Variants in TOP6BL observed in about 807,000 individuals in gnomAD.
The protein encoded by TOP6BL is TOP6B like initiator of meiotic double strand breaks, also known as type 2 DNA topoisomerase 6 subunit B-like.
the TOP6BL span, among the ~76,000 whole-genome samples, chr11:66,752,731 G>T: frequency 6.6e-6 from 1 of 152,094 alleles, no homozygotes; most frequent in Admixed American, 6.6e-5. Context: ...GCGATTACAA[G>T]CATGAGCCAC....
At chr11:66,781,641 A>G in the TOP6BL span, among the ~76,000 whole-genome samples, 3 of 152,050 alleles carry the variant, frequency 2.0e-5, no homozygotes, top group Non-Finnish European at 4.4e-5. Context: ...GGCTCAAGTG[A>G]TCCTCCCACC....
chr11:66,839,206 A>G, the TOP6BL span: 1 of 456,256 alleles, frequency 2.2e-6, no homozygotes, highest in African/African-American at 2.0e-5. Flanking sequence ...CAGAGATGCC[A>G]GGTACTATTC....
the TOP6BL span, chr11:66,813,951 T>C: frequency 6.2e-7 from 1 of 1,613,786 alleles, no homozygotes; most frequent in Non-Finnish European, 8.5e-7. Flanking sequence ...ATACCTCTTC[T>C]TTAGTTGACT....
the TOP6BL span, chr11:66,838,315 G>A: frequency 6.5e-7 from 1 of 1,527,050 alleles, no homozygotes; most frequent in Non-Finnish European, 9.1e-7. Context: ...TGTTTCACTA[G>A]GGCTCGTTCA....
the TOP6BL span, among the ~76,000 whole-genome samples, chr11:66,837,281 C>T: frequency 6.6e-6 from 1 of 151,782 alleles, no homozygotes; most frequent in Non-Finnish European, 1.5e-5. Flanking sequence ...CGCCTGCCAC[C>T]ACGCCTGGCT....
chr11:66,799,425 G>A, the TOP6BL span, among the ~76,000 whole-genome samples: 2 of 151,448 alleles, frequency 1.3e-5, no homozygotes, highest in Non-Finnish European at 1.5e-5. Context: ...GGCTGAGCAC[G>A]GTGGCTCATG....
the TOP6BL span, among the ~76,000 whole-genome samples, chr11:66,824,432 A>ATTG: frequency 1.4e-5 from 2 of 143,426 alleles, no homozygotes; most frequent in Non-Finnish European, 3.1e-5. Flanking sequence ...TATTATTATT[A>ATTG]TTATTATTAT....
chr11:66,829,273 C>T, the TOP6BL span, among the ~76,000 whole-genome samples: 1 of 150,826 alleles, frequency 6.6e-6, no homozygotes, highest in South Asian at 2.1e-4. Context: ...GTTGTCCCAG[C>T]TACTGGGGAG....
the TOP6BL span, among the ~76,000 whole-genome samples, chr11:66,750,656 A>G: frequency 6.6e-6 from 1 of 151,852 alleles, no homozygotes; most frequent in Non-Finnish European, 1.5e-5. Flanking sequence ...TTAATTGATT[A>G]TTTAATATTT....
chr11:66,749,063 TG>T, the TOP6BL span, among the ~76,000 whole-genome samples: 7 of 151,212 alleles, frequency 4.6e-5, no homozygotes, highest in Admixed American at 4.0e-4. Flanking sequence ...TGTGTGTGTG[TG>T]GTGTGTGTGT....
the TOP6BL span, among the ~76,000 whole-genome samples, chr11:66,840,383 C>A: frequency 6.6e-6 from 1 of 152,156 alleles, no homozygotes; most frequent in Non-Finnish European, 1.5e-5. Flanking sequence ...AGTGTGGGGA[C>A]CCATTTCCTC....
At chr11:66,832,726 G>T in the TOP6BL span, among the ~76,000 whole-genome samples, 1 of 152,232 alleles carries the variant, frequency 6.6e-6, no homozygotes, top group Non-Finnish European at 1.5e-5. Context: ...TTGGAAAGCC[G>T]CTGTCCACGC....
At chr11:66,812,503 G>A in the TOP6BL span, among the ~76,000 whole-genome samples, 1 of 152,044 alleles carries the variant, frequency 6.6e-6, no homozygotes, top group East Asian at 1.9e-4. Flanking sequence ...AAATCCCCTT[G>A]CCCTAAACAG....
At chr11:66,762,249 A>G in the TOP6BL span, 2 of 549,476 alleles carry the variant, frequency 3.6e-6, no homozygotes, top group Non-Finnish European at 6.6e-6. Flanking sequence ...CGGCCGCAGA[A>G]CACGCGCGCA....
chr11:66,843,204 A>G, the TOP6BL span: 1 of 1,610,884 alleles, frequency 6.2e-7, no homozygotes, highest in Non-Finnish European at 8.5e-7. Context: ...CCAACCTGTC[A>G]GAGTGGCTGA....
the TOP6BL span, among the ~76,000 whole-genome samples, chr11:66,749,334 C>T: frequency 3.9e-3 from 595 of 152,218 alleles, 1 homozygote; most frequent in Non-Finnish European, 6.7e-3. Context: ...AAATGCTTGG[C>T]TACGTGTCTA....
At chr11:66,747,082 A>G in the TOP6BL span, among the ~76,000 whole-genome samples, 1 of 151,912 alleles carries the variant, frequency 6.6e-6, no homozygotes, top group Non-Finnish European at 1.5e-5. Context: ...GGCTACAGGC[A>G]CACACCACCA....
the TOP6BL span, among the ~76,000 whole-genome samples, chr11:66,829,810 G>A: frequency 1.3e-5 from 2 of 152,008 alleles, no homozygotes; most frequent in African/African-American, 4.8e-5. Flanking sequence ...AACTGCATGA[G>A]CCCAGGAGGC....
chr11:66,745,412 C>G, the TOP6BL span, among the ~76,000 whole-genome samples: 1 of 151,968 alleles, frequency 6.6e-6, no homozygotes, highest in Admixed American at 6.6e-5. Flanking sequence ...GTGCAGGTTT[C>G]TGGGTTCGAA....
Sources: gnomAD v4.1 joint callset for allele counts (sites outside exome capture counted in the v4.1 genomes callset) on GRCh38, gnomAD v4.1.1 for gene constraint, MANE v1.5 for transcripts, NCBI Gene and HGNC (gene_info 2026-07-23, HGNC 2026-07-21) for gene names.